The following IKBIP variants were observed in gnomAD, a reference collection of about 807,000 sequenced individuals.
The protein encoded by IKBIP is inhibitor of nuclear factor kappa-B kinase-interacting protein.
A neutral mutation model predicts 31.0 loss-of-function variants in IKBIP; 28 were observed. The observed-to-expected ratio is 0.90, with a 90% confidence interval of 0.67 to 1.24. The LOEUF (loss-of-function observed/expected upper bound fraction) is 1.24. Among genes scored for constraint, IKBIP ranks in the 50% most tolerant of loss-of-function variants. IKBIP has a pLI of 0.00. For synonymous variants in IKBIP, 164 were observed against 160.3 expected, an observed-to-expected ratio of 1.02 and a Z score of -0.17; for missense variants, 453 against 441.9, an observed-to-expected ratio of 1.03 and a Z score of -0.23.
intron 2 of IKBIP, among the ~76,000 whole-genome samples, chr12:98,633,747 C>G (rs1357430988): frequency 1.3e-5 from 2 of 151,972 alleles, no homozygotes; most frequent in African/African-American, 4.8e-5. Flanking sequence ...TAACTCCTGA[C>G]CTCAAGTGAT....
chr12:98,629,572 T>TAC (rs367822747), intron 2 of IKBIP, among the ~76,000 whole-genome samples: 1 of 151,644 alleles, frequency 6.6e-6, no homozygotes, highest in Non-Finnish European at 1.5e-5. Flanking sequence ...CATACATACA[T>TAC]ACACACACAC....
intron 1 of IKBIP, among the ~76,000 whole-genome samples, chr12:98,636,816 G>T (rs537079567): frequency 6.7e-6 from 1 of 149,796 alleles, no homozygotes; most frequent in Admixed American, 6.6e-5. Context: ...CCAGAGTATT[G>T]GATATCTAAG....
At position 98,625,395 on chromosome 12, in the gene IKBIP, TA is replaced by T; in HGVS notation, c.*534del. 1 of 681,214 alleles carries T rather than the reference TA, an allele frequency of 1.5e-6. No individual in the cohort carries two copies. The highest frequency in any genetic ancestry group is 1.8e-6 in the Non-Finnish European group (1 of 552,516). The allele number at this position is 681,214 out of a possible 1,614,324, so 42.2% of individuals were successfully genotyped here. Reference sequence around the variant, plus strand: ...GCTCTCCCTCAGGCATGTTATCTTTTATTTTACACAAAATTCCCATGAACTT... The same window carrying T: ...GCTCTCCCTCAGGCATGTTATCTTTTTTTTACACAAAATTCCCATGAACTT... On this transcript the variant is annotated 3_prime_UTR_variant, in exon 3 of 3. Transcript: ENST00000299157.
rs1251692084 is a variant in IKBIP at position 98,634,278 on chromosome 12, A to G, written c.297+18T>C. ...GTAAAATGGGAAAACCGTCCCAGAT[A>G]AGCCAATTAATGATTACCTTTTCTG... On this transcript the variant is annotated intron_variant, in intron 2 of 2. Coordinates refer to ENST00000299157, the MANE Select transcript of IKBIP (RefSeq NM_153687.4). The G allele has an allele frequency of 2.5e-6, 3 of 1,189,990 alleles. No homozygotes were observed. In the Admixed American group the frequency reaches 5.2e-5, roughly 21 times the overall value. The allele number at this position is 1,189,990 out of a possible 1,614,324, so 73.7% of individuals were successfully genotyped here.
rs766111972 is a variant in IKBIP at position 98,626,262 on chromosome 12, C to T, written c.802G>A (p.Glu268Lys). Reference sequence around the variant, plus strand: ...ATTGTTGGCAAATGTGTCTTGCATTCTTCAACTTTGGGTTCGTAGTCGGAA... The same window carrying T: ...ATTGTTGGCAAATGTGTCTTGCATTTTTCAACTTTGGGTTCGTAGTCGGAA... ...KLSDYEPKVE[E>K]CKTHLPTIES... The change falls in exon 3 of 3, where the codon GAA becomes AAA. Residue 268 changes from glutamate to lysine, a missense_variant. By Grantham distance (56) the Glu-to-Lys change is moderately conservative. Transcript: ENST00000299157. 1.2e-6 allele frequency: 2 copies of T among 1,614,148 alleles called. No homozygotes were observed. Among genetic ancestry groups the T allele is most frequent in the Non-Finnish European group, 1.7e-6 (2 of 1,180,018 alleles).
At chr12:98,632,391 C>G (rs2097621042) in intron 2 of IKBIP, among the ~76,000 whole-genome samples, 1 of 139,824 alleles carries the variant, frequency 7.2e-6, no homozygotes. Flanking sequence ...GGGAGGAGTG[C>G]TTGAGCCTGG....
rs2097613926 is a variant in IKBIP, at chr12:98,626,051, T to C, written c.1013A>G (p.Gln338Arg). Residue 338 changes from glutamine to arginine, a missense_variant, in exon 3 of 3, where the codon CAA becomes CGA. Physicochemically the swap from Gln to Arg is conservative, Grantham distance 43 (BLOSUM62 1). Transcript: ENST00000299157. ...TTCTTTTAGAATATCCAGTTCATTT[T>C]GCATCTTTAATATGCTATTATCATA... ...IQYDNSILKM[Q>R]NELDILKEKV... 1.3e-6 allele frequency: 2 copies of C among 1,589,948 alleles called. No individual in the cohort carries two copies. Among genetic ancestry groups the C allele is most frequent in the African/African-American group, 1.3e-5 (1 of 74,144 alleles).
chr12:98,640,890 T>C (rs1175532884), intron 1 of IKBIP, among the ~76,000 whole-genome samples: 1 of 152,056 alleles, frequency 6.6e-6, no homozygotes, highest in Non-Finnish European at 1.5e-5. Flanking sequence ...ACCCCCCAAG[T>C]AGCTGGGACT....
intron 1 of IKBIP, among the ~76,000 whole-genome samples, chr12:98,637,534 G>T (rs183594458): frequency 6.6e-6 from 1 of 150,744 alleles, no homozygotes; most frequent in African/African-American, 2.4e-5. Flanking sequence ...TCAGCCTCCC[G>T]AGTAGCTGGG....
intron 1 of IKBIP, among the ~76,000 whole-genome samples, chr12:98,636,010 C>A (rs985996538): frequency 1.3e-5 from 2 of 152,194 alleles, no homozygotes; most frequent in African/African-American, 4.8e-5. Context: ...TCTGTTTATA[C>A]AGGATTTGAA....
intron 2 of IKBIP, among the ~76,000 whole-genome samples, chr12:98,614,710 C>T (rs1024041759): frequency 6.6e-6 from 1 of 152,192 alleles, no homozygotes; most frequent in South Asian, 2.1e-4. Context: ...GGATTACAGG[C>T]GTGAGCCACC....
At chr12:98,633,548 G>A (rs1234008971) in intron 2 of IKBIP, among the ~76,000 whole-genome samples, 8 of 108,144 alleles carry the variant, frequency 7.4e-5, no homozygotes, top group African/African-American at 2.6e-4. Flanking sequence ...ACGGATCCTC[G>A]CTCTATAGCC....
At chr12:98,628,909 A>T (rs139389961) in intron 2 of IKBIP, among the ~76,000 whole-genome samples, 1 of 152,326 alleles carries the variant, frequency 6.6e-6, no homozygotes, top group African/African-American at 2.4e-5. Context: ...GTAGATTATA[A>T]GTAGCGTCAC....
chr12:98,617,393 C>A (rs1441062297), intron 2 of IKBIP, among the ~76,000 whole-genome samples: 1 of 152,094 alleles, frequency 6.6e-6, no homozygotes, highest in African/African-American at 2.4e-5. Context: ...TTGGAGCCAC[C>A]CAAGTGTCTG....
At chr12:98,630,637 T>C (rs1236709808) in intron 2 of IKBIP, among the ~76,000 whole-genome samples, 1 of 152,080 alleles carries the variant, frequency 6.6e-6, no homozygotes, top group Non-Finnish European at 1.5e-5. Context: ...CAGGAACCTA[T>C]TGATGACCAG....
At chr12:98,617,010 G>A (rs17362530) in intron 2 of IKBIP, among the ~76,000 whole-genome samples, 2,201 of 152,272 alleles carry the variant, frequency 0.014, 20 homozygotes, top group South Asian at 0.048. Context: ...AGAATGAAGG[G>A]ACCAATGTCC....
chr12:98,620,222 G>A (rs1392366027), downstream of IKBIP, among the ~76,000 whole-genome samples: 1 of 151,026 alleles, frequency 6.6e-6, no homozygotes, highest in African/African-American at 2.4e-5. Flanking sequence ...CCCCCGGCCA[G>A]AATATTTATT....
exon 3 of IKBIP, chr12:98,613,643 A>C: frequency 6.4e-7 from 1 of 1,568,666 alleles, no homozygotes; most frequent in South Asian, 1.1e-5. Flanking sequence ...CTCAGCTTGG[A>C]CTATTGTTAA....
At chr12:98,631,891 T>C (rs1333003143) in intron 2 of IKBIP, among the ~76,000 whole-genome samples, 1 of 151,858 alleles carries the variant, frequency 6.6e-6, no homozygotes, top group African/African-American at 2.4e-5. Flanking sequence ...AGTCTCACTC[T>C]GTTGCCCAGG....
Sources: allele counts gnomAD v4.1 joint callset (sites outside exome capture counted in the v4.1 genomes callset), GRCh38; gene constraint gnomAD v4.1.1; transcripts MANE v1.5; gene names NCBI Gene and HGNC (gene_info 2026-07-23, HGNC 2026-07-21).